The following DNMT3A variants were observed in gnomAD, a reference collection of about 807,000 sequenced individuals.
DNMT3A encodes the protein DNA methyltransferase 3 alpha.
In DNMT3A, 267 loss-of-function variants were observed where a neutral mutation model predicts 117.6. That is an observed-to-expected ratio of 2.27 (90% CI 2.05 to 2.51). The LOEUF (loss-of-function observed/expected upper bound fraction) is 2.51, where lower values mean the gene tolerates loss of function less well. DNMT3A is among the 30% of genes most tolerant of loss of function. The probability of loss-of-function intolerance (pLI) is 0.00; values close to 1 mark genes in which losing one functional copy is unlikely to be tolerated. For missense variants in DNMT3A, 1,029 were observed against 1,260.2 expected (o/e 0.82, Z 2.78); for synonymous variants, 432 against 474.8 (o/e 0.91, Z 1.17).
intron 6 of DNMT3A, among the ~76,000 whole-genome samples, chr2:25,248,871 T>C (rs1675186316): frequency 6.6e-6 from 1 of 152,156 alleles, no homozygotes; most frequent in South Asian, 2.1e-4. Context: ...TTTTTTTAAT[T>C]TTATTATTAT....
At position 25,248,264 on chromosome 2, in the gene DNMT3A, AAAAAC is replaced by A; in HGVS notation, c.640-17_640-13del. The A allele has an allele frequency of 6.2e-7, 1 of 1,611,620 alleles. No homozygotes were observed. Among genetic ancestry groups the A allele is most frequent in the Non-Finnish European group, 8.5e-7 (1 of 1,179,428 alleles). ...GCTTTCTTCTCAGCCTGGGGAAACA[AAAAAC>A]AAAAAGTCACCTTGACCTCTCCAGG... On this transcript the variant is annotated splice_polypyrimidine_tract_variant and intron_variant, in intron 6 of 22. Coordinates refer to ENST00000321117, the MANE Select transcript of DNMT3A (RefSeq NM_022552.5).
intron 6 of DNMT3A, among the ~76,000 whole-genome samples, chr2:25,249,415 C>T (rs889258062): frequency 3.3e-5 from 5 of 152,204 alleles, no homozygotes; most frequent in African/African-American, 1.2e-4. Flanking sequence ...GGAAGCTCCC[C>T]AAGAGCCTGT....
intron 1 of DNMT3A, among the ~76,000 whole-genome samples, chr2:25,325,006 AC>A (rs1413399473): frequency 6.6e-6 from 1 of 152,028 alleles, no homozygotes; most frequent in Non-Finnish European, 1.5e-5. Context: ...CACTGGCACC[AC>A]CAGCACTGGC....
At position 25,337,270 on chromosome 2, in the gene DNMT3A, A is replaced by T. The variant is rs77619393; in HGVS notation, c.-178+4556T>A. On this transcript the variant is annotated intron_variant, in intron 1 of 22. Transcript: ENST00000321117. This position sits in a 1 kb window ranked among gnomAD's most constrained non-coding sequence, Gnocchi z 5.0. ...TTTAATCAGAATCGGCACTTTCCTC[A>T]TCTGACCAAGATTCTGCAAAAGACA... Among the ~76,000 whole-genome samples, 4,692 of 152,220 alleles carry T rather than the reference A, an allele frequency of 0.031. 248 individuals carry two copies. Among genetic ancestry groups the T allele is most frequent in the African/African-American group, 0.11 (4,386 of 41,502 alleles).
upstream of DNMT3A, chr2:25,342,410 C>A (rs2035497680): frequency 6.6e-6 from 1 of 152,186 alleles, no homozygotes; most frequent in South Asian, 2.1e-4. This position sits in a 1 kb window ranked among gnomAD's most constrained non-coding sequence, Gnocchi z 5.9. Context: ...CAGCCCTCCC[C>A]ACGCTGGGCG....
intron 3 of DNMT3A, among the ~76,000 whole-genome samples, chr2:25,284,206 G>C (rs540208256): frequency 6.6e-6 from 1 of 152,186 alleles, no homozygotes; most frequent in Non-Finnish European, 1.5e-5. Context: ...GCATCAGCAC[G>C]GCAAGCCTCA....
chr2:25,324,800 T>C (rs2034725685), intron 1 of DNMT3A, among the ~76,000 whole-genome samples: 1 of 152,162 alleles, frequency 6.6e-6, no homozygotes, highest in African/African-American at 2.4e-5. Context: ...TCCAGTGAGA[T>C]GGCCATCACC....
intron 20 of DNMT3A, among the ~76,000 whole-genome samples, chr2:25,238,034 C>A (rs1445757068): frequency 1.3e-5 from 2 of 152,230 alleles, no homozygotes; most frequent in African/African-American, 2.4e-5. Flanking sequence ...CCCAGTCGGC[C>A]CTGCATGCAG....
chr2:25,243,927 A>G lies in DNMT3A; in HGVS notation c.1907T>C (p.Val636Ala). Residue 636 changes from valine to alanine, a missense_variant, in exon 16 of 23, where the codon GTG becomes GCG. Transcript: ENST00000321117. The stretch of plus-strand genomic sequence containing the variant: ...AGCGATTCCATCAAAGAGAGACAGC[A>G]CCCGGATGGGCTTCCTCTTCTCAGC... ...VPAEKRKPIR[V>A]LSLFDGIATG... 2 of 1,552,172 alleles carry G rather than the reference A, an allele frequency of 1.3e-6. No homozygotes were observed. Among genetic ancestry groups the G allele is most frequent in the Non-Finnish European group, 1.7e-6 (2 of 1,147,142 alleles).
At chr2:25,277,983 G>A (rs1326181493) in intron 4 of DNMT3A, among the ~76,000 whole-genome samples, 1 of 147,806 alleles carries the variant, frequency 6.8e-6, no homozygotes, top group Non-Finnish European at 1.5e-5. Context: ...CAGACTCTGC[G>A]CATGCCCACT....
intron 6 of DNMT3A, among the ~76,000 whole-genome samples, chr2:25,266,578 C>T (rs2030369117): frequency 6.6e-6 from 1 of 152,130 alleles, no homozygotes; most frequent in South Asian, 2.1e-4. Context: ...ACATTCATGG[C>T]CTGCTCTCCT....
Position 25,293,011 on chromosome 2 carries a change from GA to G in DNMT3A, c.177+7127del, listed in dbSNP as rs74711409. On this transcript the variant is annotated intron_variant, in intron 3 of 22. Transcript: ENST00000321117. This position sits in a 1 kb window ranked among gnomAD's most constrained non-coding sequence, Gnocchi z 4.7. ...AAAATAAACAGAGGGATTATTTTTG[GA>G]AAAAAAAAAAAAGGAGATTCTGAGA... Among the ~76,000 whole-genome samples the G allele has an allele frequency of 1.6e-3, 224 of 139,328 alleles. No homozygotes were observed. The highest frequency in any genetic ancestry group is 2.1e-3 in the African/African-American group (80 of 38,064). 91.4% of individuals were successfully genotyped at this position (139,328 alleles called of 152,430 possible). A position where few individuals can be genotyped will look rare whatever the true frequency, so the allele number is the denominator to read the frequency against.
At position 25,282,007 on chromosome 2, in the gene DNMT3A, C is replaced by T. The variant is rs114236567; in HGVS notation, c.448+434G>A. 8.2e-4 allele frequency: 914 copies of T among 1,112,546 alleles called. 6 individuals are homozygous for T. In the African/African-American group the frequency reaches 0.012, roughly 15 times the overall value. The allele number at this position is 1,112,546 out of a possible 1,614,324, so 68.9% of individuals were successfully genotyped here. ...CTACAAATACAGCAACCCCCAGGAA[C>T]TGCATGGCACGTGGGAGAGTAAGCA... On this transcript the variant is annotated intron_variant, in intron 4 of 22. Transcript: ENST00000321117. The surrounding 1 kb of genome is among the most constrained non-coding windows in gnomAD (Gnocchi z 5.2).
intron 6 of DNMT3A, among the ~76,000 whole-genome samples, chr2:25,269,047 T>C (rs1386039612): frequency 6.6e-6 from 1 of 152,222 alleles, no homozygotes; most frequent in Admixed American, 6.5e-5. Context: ...ACAGTCTGAG[T>C]GCAGTGGCTC....
At chr2:25,273,624 G>A (rs60464974) in intron 6 of DNMT3A, among the ~76,000 whole-genome samples, 19,395 of 152,150 alleles carry the variant, frequency 0.13, 1,382 homozygotes, top group Non-Finnish European at 0.16. Flanking sequence ...CTCAAAAATT[G>A]TGCGTGGCGA....
At chr2:25,251,189 G>A (rs1164236228) in intron 6 of DNMT3A, among the ~76,000 whole-genome samples, 1 of 136,978 alleles carries the variant, frequency 7.3e-6, no homozygotes. Context: ...GGGGCCTGAC[G>A]AAAGGGGAAG....
chr2:25,240,188 T>C (rs755930480), intron 19 of DNMT3A, 114 bp downstream of exon 19: 104 of 1,493,272 alleles, frequency 7.0e-5, no homozygotes, highest in Admixed American at 1.4e-4. Flanking sequence ...ACAGGCCCCT[T>C]GCAAAGCAGA....
chr2:25,246,914 A>G, intron 9 of DNMT3A, 137 bp downstream of exon 9: 1 of 1,489,966 alleles, frequency 6.7e-7, no homozygotes, highest in East Asian at 2.3e-5. Context: ...CGGGATGTGC[A>G]TACGGGCGAG....
chr2:25,233,759 T>C lies in DNMT3A; in HGVS notation c.*520A>G, dbSNP rs1573289824. The C allele has an allele frequency of 2.1e-5, 2 of 97,452 alleles. No homozygotes were observed. The highest frequency in any genetic ancestry group is 3.7e-5 in the Non-Finnish European group (2 of 53,830). 6.0% of individuals were successfully genotyped at this position (97,452 alleles called of 1,614,324 possible). A position where few individuals can be genotyped will look rare whatever the true frequency, so the allele number is the denominator to read the frequency against. On this transcript the variant is annotated 3_prime_UTR_variant, in exon 23 of 23. Transcript: ENST00000321117. ...GGCTAGAGACAACAAAAAAAAGATATATAGTAAAAAAAAAAACCCAAAAAA... is the reference window on the plus strand; with the variant it reads ...GGCTAGAGACAACAAAAAAAAGATACATAGTAAAAAAAAAAACCCAAAAAA...
Sources: gnomAD v4.1 joint callset for allele counts (sites outside exome capture counted in the v4.1 genomes callset) on GRCh38, gnomAD v4.1.1 for gene constraint, Gnocchi (gnomAD v3.1) non-coding constraint, MANE v1.5 for transcripts, NCBI Gene and HGNC (gene_info 2026-07-23, HGNC 2026-07-21) for gene names.